The following WWOX variants were observed in gnomAD, a reference collection of about 807,000 sequenced individuals.
WWOX encodes WW domain containing oxidoreductase, also known as WW domain-containing oxidoreductase.
A neutral mutation model predicts 46.2 loss-of-function variants in WWOX; 69 were observed. The ratio of observed to expected loss-of-function variants is 1.49; its 90% CI spans 1.23 to 1.82. WWOX has a LOEUF of 1.82. Among genes scored for constraint, WWOX ranks in the 40% most tolerant of loss-of-function variants. WWOX has a pLI of 0.00. For synonymous variants in WWOX, 359 were observed against 202.6 expected, an observed-to-expected ratio of 1.77 and a Z score of -6.56; for missense variants, 919 against 542.6, an observed-to-expected ratio of 1.69 and a Z score of -6.89.
At chr16:78,570,686 C>T (rs1289807012) in intron 8 of WWOX, among the ~76,000 whole-genome samples, 2 of 152,146 alleles carry the variant, frequency 1.3e-5, no homozygotes, top group African/African-American at 2.4e-5. Context: ...AAAGGTGAAC[C>T]CCAGACAAGC....
intron 6 of WWOX, among the ~76,000 whole-genome samples, chr16:78,407,914 G>C (rs1276585296): frequency 6.6e-6 from 1 of 152,162 alleles, no homozygotes; most frequent in Non-Finnish European, 1.5e-5. Flanking sequence ...ACAGATTATG[G>C]CACATGGTAG....
intron 8 of WWOX, among the ~76,000 whole-genome samples, chr16:78,815,577 A>G (rs2142725351): frequency 6.6e-6 from 1 of 152,294 alleles, no homozygotes; most frequent in South Asian, 2.1e-4. Context: ...CCAATGCGTA[A>G]GCTGTCCTCC....
intron 8 of WWOX, among the ~76,000 whole-genome samples, chr16:78,893,695 T>G (rs1484771573): frequency 6.6e-6 from 1 of 152,196 alleles, no homozygotes; most frequent in Non-Finnish European, 1.5e-5. Context: ...CCAGGGGCCC[T>G]TCTAGCACTT....
At chr16:78,627,807 G>C (rs1390534361) in intron 8 of WWOX, among the ~76,000 whole-genome samples, 1 of 152,186 alleles carries the variant, frequency 6.6e-6, no homozygotes, top group Non-Finnish European at 1.5e-5. Flanking sequence ...GTGATTTCAG[G>C]GTGTTGGGCT....
chr16:78,149,037 G>A (rs1255983852), intron 4 of WWOX, among the ~76,000 whole-genome samples: 2 of 151,862 alleles, frequency 1.3e-5, no homozygotes, highest in African/African-American at 2.4e-5. Context: ...CATCACTCAG[G>A]CTGGAGGGCA....
At chr16:78,481,444 T>C (rs1391521519) in intron 8 of WWOX, among the ~76,000 whole-genome samples, 1 of 152,074 alleles carries the variant, frequency 6.6e-6, no homozygotes, top group Non-Finnish European at 1.5e-5. Flanking sequence ...AAAAAGTCAT[T>C]GATTGAAAGA....
chr16:78,714,380 C>T (rs978789096), intron 8 of WWOX, among the ~76,000 whole-genome samples: 3 of 151,968 alleles, frequency 2.0e-5, no homozygotes, highest in Admixed American at 2.0e-4. Flanking sequence ...CTTTATAAAA[C>T]CATCAGATCT....
chr16:78,570,576 A>G (rs1281154341), intron 8 of WWOX, among the ~76,000 whole-genome samples: 1 of 152,060 alleles, frequency 6.6e-6, no homozygotes. Context: ...TGCCTCTCAA[A>G]GTACAGGGAT....
At chr16:78,451,782 C>T (rs1162886916) in intron 8 of WWOX, among the ~76,000 whole-genome samples, 1 of 152,104 alleles carries the variant, frequency 6.6e-6, no homozygotes, top group Non-Finnish European at 1.5e-5. Context: ...CACTTATTGT[C>T]AAAGATATTA....
chr16:78,408,939 T>C (rs1490781040), intron 6 of WWOX, among the ~76,000 whole-genome samples: 3 of 152,144 alleles, frequency 2.0e-5, no homozygotes, highest in South Asian at 2.1e-4. Context: ...ATTTAAAATA[T>C]GTTAATTTTT....
rs984923519 is a variant in WWOX, at chr16:78,385,390, T to C, written c.517-1470T>C. On this transcript the variant is annotated intron_variant, in intron 5 of 8. Transcript: ENST00000566780. ...TGCTAGTTAAATTAATTAGATAATT[T>C]GTCTTCCAGACAGGATGTTAGGAAC... Among the ~76,000 whole-genome samples the C allele has an allele frequency of 2.6e-5, 4 of 152,246 alleles. No individual in the cohort carries two copies. In the South Asian group the frequency reaches 6.2e-4, roughly 24 times the overall value.
intron 4 of WWOX, among the ~76,000 whole-genome samples, chr16:78,120,792 CA>C (rs2033056039): frequency 6.6e-6 from 1 of 152,092 alleles, no homozygotes; most frequent in South Asian, 2.1e-4. Context: ...CAAATTTTAC[CA>C]GTTCTACGTG....
chr16:78,882,897 A>G (rs2044373712), intron 8 of WWOX, among the ~76,000 whole-genome samples: 1 of 152,016 alleles, frequency 6.6e-6, no homozygotes. Context: ...CGAGTGACAC[A>G]AACTGGAACA....
chr16:78,529,308 C>G (rs1445689945), intron 8 of WWOX, among the ~76,000 whole-genome samples: 3 of 152,120 alleles, frequency 2.0e-5, no homozygotes, highest in African/African-American at 7.2e-5. Flanking sequence ...TGAGTGGCCT[C>G]TTTATCAAAT....
rs528123309 is a variant in WWOX at position 78,445,014 on chromosome 16, C to T, written c.1056+12262C>T. Reference sequence around the variant, plus strand: ...CTGTGTGTGTTTCGGATCCCAGGTTCCAAACCTGCACTAAAACTTGTTGCT... The same window carrying T: ...CTGTGTGTGTTTCGGATCCCAGGTTTCAAACCTGCACTAAAACTTGTTGCT... On this transcript the variant is annotated intron_variant, in intron 8 of 8. Coordinates refer to ENST00000566780, the MANE Select transcript of WWOX (RefSeq NM_016373.4). Among the ~76,000 whole-genome samples, 10 of 150,380 alleles carry T rather than the reference C, an allele frequency of 6.6e-5. No homozygotes were observed. The South Asian group carries it at 2.2e-3, about 33-fold the overall frequency.
intron 8 of WWOX, among the ~76,000 whole-genome samples, chr16:78,592,742 G>T (rs1283532882): frequency 6.6e-6 from 1 of 152,160 alleles, no homozygotes; most frequent in Non-Finnish European, 1.5e-5. Context: ...TAAAACAACA[G>T]AAAATAAGTT....
chr16:78,973,200 G>A (rs889397576), intron 8 of WWOX, among the ~76,000 whole-genome samples: 1 of 152,094 alleles, frequency 6.6e-6, no homozygotes, highest in Admixed American at 6.6e-5. Flanking sequence ...AAAGATAAAG[G>A]CCCTTATTAC....
rs575234760 is a variant in WWOX, at chr16:78,394,432, G to A, written c.605+7484G>A. Among the ~76,000 whole-genome samples the A allele has an allele frequency of 7.6e-5, 11 of 143,886 alleles. No homozygotes were observed. The East Asian group carries it at 2.4e-3, about 32-fold the overall frequency. 94.4% of individuals were successfully genotyped at this position (143,886 alleles called of 152,430 possible). A position where few individuals can be genotyped will look rare whatever the true frequency, so the allele number is the denominator to read the frequency against. On this transcript the variant is annotated intron_variant, in intron 6 of 8. Coordinates refer to ENST00000566780, the MANE Select transcript of WWOX (RefSeq NM_016373.4). Reference sequence around the variant, plus strand: ...TCCTAAGGCATTGAAAAAGCACACTGTGAAATACTTAGTGTATCTAGAAAC... The same window carrying A: ...TCCTAAGGCATTGAAAAAGCACACTATGAAATACTTAGTGTATCTAGAAAC...
intron 8 of WWOX, among the ~76,000 whole-genome samples, chr16:78,933,794 C>A (rs2045674717): frequency 6.6e-6 from 1 of 152,070 alleles, no homozygotes; most frequent in Admixed American, 6.5e-5. Flanking sequence ...ACCCGTAATT[C>A]AATTACCTCC....
Sources: gnomAD v4.1 joint callset for allele counts (sites outside exome capture counted in the v4.1 genomes callset) on GRCh38, gnomAD v4.1.1 for gene constraint, MANE v1.5 for transcripts, NCBI Gene and HGNC (gene_info 2026-07-23, HGNC 2026-07-21) for gene names.